The following SOD2 variants were observed in gnomAD, a reference collection of about 807,000 sequenced individuals.
SOD2 encodes the protein superoxide dismutase 2, also known as superoxide dismutase [Mn], mitochondrial.
In SOD2, 11 loss-of-function variants were observed where a neutral mutation model predicts 27.0. That is an observed-to-expected ratio of 0.41 (90% CI 0.26 to 0.67). The LOEUF (loss-of-function observed/expected upper bound fraction) is 0.67. Among genes scored for constraint, SOD2 ranks in the 30% least tolerant of loss-of-function variants. SOD2 has a pLI of 0.34. For missense variants in SOD2, 250 were observed against 274.5 expected, an observed-to-expected ratio of 0.91 and a Z score of 0.63; for synonymous variants, 105 against 103.0, an observed-to-expected ratio of 1.02 and a Z score of -0.12.
At chr6:159,697,795 T>G (rs1331976122), upstream of SOD2, among the ~76,000 whole-genome samples, 1 of 152,236 alleles carries the variant, frequency 6.6e-6, no homozygotes, top group Non-Finnish European at 1.5e-5. Flanking sequence ...GAATGTACAG[T>G]TGACCCCTGA....
At chr6:159,732,886 AG>A (rs1778671131) in intron 1 of SOD2, among the ~76,000 whole-genome samples, 5 of 146,380 alleles carry the variant, frequency 3.4e-5, no homozygotes, top group African/African-American at 7.8e-5. Flanking sequence ...ATATATATAT[AG>A]TGTGTGTGTG....
chr6:159,745,127 T>TA (rs372491250), intron 1 of SOD2: 6 of 152,376 alleles, frequency 3.9e-5, no homozygotes, highest in South Asian at 2.1e-4. Flanking sequence ...AAATGGATCT[T>TA]ACCTTTAGAC....
At chr6:159,755,765 C>CTT in intron 1 of SOD2, 5,510 of 172,506 alleles carry the variant, frequency 0.032, 44 homozygotes, top group Non-Finnish European at 0.034. Flanking sequence ...TTTTTCTTTT[C>CTT]TTTTTTTTTT....
At chr6:159,688,470 T>C (rs529439430) in intron 2 of SOD2, 127 of 467,328 alleles carry the variant, frequency 2.7e-4, no homozygotes, top group African/African-American at 2.4e-3. Context: ...AATTCACTCC[T>C]GGCTGCTAGG....
chr6:159,761,897 C>G (rs1467470251), exon 1 of SOD2: 1 of 381,276 alleles, frequency 2.6e-6, no homozygotes, highest in Non-Finnish European at 4.4e-6. Context: ...GCGCCCCGCG[C>G]GCCTCCGCCC....
chr6:159,716,888 C>CA lies in SOD2; in HGVS notation c.-116+10240dup, dbSNP rs199784005. On this transcript the variant is annotated intron_variant, in intron 1 of 2. Coordinates refer to the SOD2 transcript ENST00000401980. ...CTCCTGGCCTGAAGATACTATGACT[C>CA]AAACACAATTTAGAAGTTCCTAGAT... Among the ~76,000 whole-genome samples the CA allele has an allele frequency of 5.6e-3, 854 of 152,286 alleles. 7 individuals carry two copies. The highest frequency in any genetic ancestry group is 0.02 in the African/African-American group (813 of 41,556).
chr6:159,704,624 C>T (rs1777587261), intron 1 of SOD2, among the ~76,000 whole-genome samples: 1 of 152,208 alleles, frequency 6.6e-6, no homozygotes, highest in African/African-American at 2.4e-5. Context: ...ACAAAGCAGC[C>T]AGGAAGCTCG....
At chr6:159,693,656 G>A (rs1050056307), upstream of SOD2, among the ~76,000 whole-genome samples, 1 of 152,150 alleles carries the variant, frequency 6.6e-6, no homozygotes, top group Non-Finnish European at 1.5e-5. Flanking sequence ...TTGCGCTGCC[G>A]GGGGGCCGCG....
intron 1 of SOD2, chr6:159,736,202 C>G (rs558500823): frequency 6.6e-7 from 1 of 1,525,258 alleles, no homozygotes; most frequent in Non-Finnish European, 8.9e-7. Context: ...TTTTTTATTC[C>G]TACTTTCACT....
intron 1 of SOD2, chr6:159,754,988 A>G: frequency 6.5e-7 from 1 of 1,538,980 alleles, no homozygotes; most frequent in Non-Finnish European, 8.8e-7. Context: ...TTTCAATGTT[A>G]TAAACGATAT....
chr6:159,743,662 C>T (rs1452128294), intron 1 of SOD2: 1 of 1,582,494 alleles, frequency 6.3e-7, no homozygotes, highest in Non-Finnish European at 8.6e-7. Context: ...TTTGAATCAT[C>T]AGCTAATGAT....
At chr6:159,728,345 C>T (rs1049257938), upstream of SOD2, among the ~76,000 whole-genome samples, 3 of 151,872 alleles carry the variant, frequency 2.0e-5, no homozygotes. Flanking sequence ...ATAAGAAAGT[C>T]ACTTGGTTGT....
chr6:159,693,357 G>T (rs924179503), upstream of SOD2: 2 of 141,160 alleles, frequency 1.4e-5, no homozygotes, highest in Non-Finnish European at 2.3e-5. Flanking sequence ...CCCGCCCCGC[G>T]CCCGCCGCGC....
chr6:159,736,475 T>C, intron 1 of SOD2: 1 of 470,802 alleles, frequency 2.1e-6, no homozygotes, highest in South Asian at 4.5e-5. Flanking sequence ...GTATCTTATA[T>C]CCAGTATATT....
At chr6:159,696,822 G>A (rs1430227797), upstream of SOD2, among the ~76,000 whole-genome samples, 2 of 152,058 alleles carry the variant, frequency 1.3e-5, no homozygotes, top group African/African-American at 4.8e-5. Context: ...TGGGAAGATT[G>A]CTTGAGGCCA....
At chr6:159,749,300 A>G (rs1346075788), upstream of SOD2, 1 of 985,710 alleles carries the variant, frequency 1.0e-6, no homozygotes, top group East Asian at 1.1e-4. Context: ...TCCCCGTTCC[A>G]TTCAACAGGC....
Position 159,692,962 on chromosome 6 carries a change from C to G in SOD2, c.24-99G>C, listed in dbSNP as rs1777303261. On this transcript the variant is annotated intron_variant, in intron 1 of 4. Transcript: ENST00000538183. ...GGCAGCGCGCGGCGTCCCCCGAGTC[C>G]CCGCGTCCCCTCCCTGCGGATCCCC... 4 of 1,356,718 alleles carry G rather than the reference C, an allele frequency of 2.9e-6. No homozygotes were observed. The South Asian group carries it at 6.1e-5, about 21-fold the overall frequency. The allele number at this position is 1,356,718 out of a possible 1,614,324, so 84.0% of individuals were successfully genotyped here.
chr6:159,753,494 A>C (rs1343129063), intron 1 of SOD2: 1 of 1,614,228 alleles, frequency 6.2e-7, no homozygotes, highest in Non-Finnish European at 8.5e-7. Context: ...GAAGTGTCGA[A>C]TGCTTATCCA....
intron 1 of SOD2, among the ~76,000 whole-genome samples, chr6:159,724,880 G>A (rs1778111365): frequency 7.4e-6 from 1 of 135,238 alleles, no homozygotes; most frequent in Admixed American, 7.8e-5. Flanking sequence ...AGAAAAGCAA[G>A]AGAAGGGAAG....
Sources: allele counts gnomAD v4.1 joint callset (sites outside exome capture counted in the v4.1 genomes callset), GRCh38; gene constraint gnomAD v4.1.1; transcripts MANE v1.5; gene names NCBI Gene and HGNC (gene_info 2026-07-23, HGNC 2026-07-21).